PARD3: variants seen among roughly 807,000 people sequenced by gnomAD.
PARD3 encodes the protein par-3 family cell polarity regulator, also known as partitioning defective 3 homolog.
In PARD3, 75 loss-of-function variants were observed where a neutral mutation model predicts 155.4. That is an observed-to-expected ratio of 0.48 (90% confidence interval 0.40 to 0.58). PARD3 has a LOEUF of 0.58. Among genes scored for constraint, PARD3 ranks in the 20% least tolerant of loss-of-function variants. The pLI is 0.00. For synonymous variants in PARD3, 576 were observed against 610.5 expected (o/e 0.94, Z 0.83); for missense variants, 1,642 against 1,721.7 (o/e 0.95, Z 0.82).
chr10:34,166,720 T>A (rs747265212), intron 22 of PARD3, among the ~76,000 whole-genome samples: 4 of 151,856 alleles, frequency 2.6e-5, no homozygotes, highest in African/African-American at 4.8e-5. Flanking sequence ...GAGTGTCCAC[T>A]CACAAAACAC....
chr10:34,512,777 T>C (rs1310158133), intron 3 of PARD3, among the ~76,000 whole-genome samples: 2 of 152,202 alleles, frequency 1.3e-5, no homozygotes, highest in South Asian at 2.1e-4. Context: ...CTTTAACTTA[T>C]ATCTGTACAC....
chr10:34,331,003 G>C (rs1564593725), intron 19 of PARD3, 114 bp downstream of exon 19: 1 of 708,088 alleles, frequency 1.4e-6, no homozygotes, highest in African/African-American at 1.8e-5. Context: ...TTAGACCTCA[G>C]AGATCTCAGA....
chr10:34,265,624 A>C (rs2133833243), intron 22 of PARD3, among the ~76,000 whole-genome samples: 1 of 152,372 alleles, frequency 6.6e-6, no homozygotes, highest in African/African-American at 2.4e-5. Flanking sequence ...TTCTTCATAC[A>C]GGAAATAATC....
Position 34,116,238 on chromosome 10 carries a change from T to C in PARD3, c.3668+3375A>G, listed in dbSNP as rs546875657. 1.4e-4 allele frequency among the ~76,000 whole-genome samples: 21 copies of C among 152,334 alleles called. No individual in the cohort carries two copies. The East Asian group carries it at 1.7e-3, about 13-fold the overall frequency. ...TACAAACCACTCTTTCTCATATACA[T>C]GCCTCTAATTCAAACCACCTTATCT... On this transcript the variant is annotated intron_variant, in intron 24 of 24. Coordinates refer to ENST00000374788, the MANE Select transcript of PARD3 (RefSeq NM_001184785.2).
At chr10:34,724,348 T>C (rs752099119) in intron 1 of PARD3, among the ~76,000 whole-genome samples, 2 of 152,198 alleles carry the variant, frequency 1.3e-5, no homozygotes, top group African/African-American at 2.4e-5. Context: ...ACCTACCCTC[T>C]TGCAGTGGTG....
chr10:34,121,956 AT>A (rs1205254971), intron 23 of PARD3, among the ~76,000 whole-genome samples: 1 of 152,256 alleles, frequency 6.6e-6, no homozygotes, highest in East Asian at 1.9e-4. Context: ...CATCAACTGC[AT>A]TAAAAGAGAC....
chr10:34,166,060 T>G (rs1431633284), intron 22 of PARD3, among the ~76,000 whole-genome samples: 1 of 152,236 alleles, frequency 6.6e-6, no homozygotes, highest in Non-Finnish European at 1.5e-5. Flanking sequence ...TCCCTAAACC[T>G]TCCCTCAGAT....
chr10:34,669,540 A>T (rs558821398), intron 2 of PARD3, among the ~76,000 whole-genome samples: 8 of 152,312 alleles, frequency 5.3e-5, no homozygotes, highest in African/African-American at 1.9e-4. Flanking sequence ...TCACCACCAC[A>T]CAATATATCC....
chr10:34,779,406 C>T (rs965401854), intron 1 of PARD3, among the ~76,000 whole-genome samples: 7 of 151,984 alleles, frequency 4.6e-5, no homozygotes, highest in African/African-American at 9.7e-5. Flanking sequence ...ATCAGGCGAT[C>T]GAGACCATCC....
chr10:34,200,978 T>G (rs1382063810), intron 22 of PARD3, among the ~76,000 whole-genome samples: 1 of 152,144 alleles, frequency 6.6e-6, no homozygotes, highest in Non-Finnish European at 1.5e-5. Context: ...CTTTCCTCTC[T>G]CCAATGTATG....
At chr10:34,768,192 T>G (rs1263115905) in intron 1 of PARD3, among the ~76,000 whole-genome samples, 2 of 152,130 alleles carry the variant, frequency 1.3e-5, no homozygotes, top group African/African-American at 2.4e-5. Context: ...AAGTTTATTT[T>G]GTCAAAGTTA....
At chr10:34,667,576 T>C (rs943378423) in intron 2 of PARD3, among the ~76,000 whole-genome samples, 6 of 152,208 alleles carry the variant, frequency 3.9e-5, no homozygotes, top group African/African-American at 1.4e-4. Flanking sequence ...CACTGAAAAA[T>C]GCCTAATGAT....
intron 1 of PARD3, among the ~76,000 whole-genome samples, chr10:34,789,340 G>A (rs867803922): frequency 5.9e-5 from 9 of 152,270 alleles, no homozygotes; most frequent in South Asian, 2.1e-4. Flanking sequence ...GGAAGACACC[G>A]ATAAATTAAG....
At chr10:34,761,138 C>A (rs1328320031) in intron 1 of PARD3, among the ~76,000 whole-genome samples, 1 of 152,148 alleles carries the variant, frequency 6.6e-6, no homozygotes, top group Non-Finnish European at 1.5e-5. Context: ...GGGTCAGGCA[C>A]AGTGGCTCAT....
intron 2 of PARD3, among the ~76,000 whole-genome samples, chr10:34,671,401 C>T (rs1017872593): frequency 6.6e-6 from 1 of 152,058 alleles, no homozygotes; most frequent in Non-Finnish European, 1.5e-5. Context: ...CATTTAAAAC[C>T]TCCTTCCTCA....
chr10:34,424,161 TG>T (rs1407428152), intron 5 of PARD3, among the ~76,000 whole-genome samples: 2 of 152,206 alleles, frequency 1.3e-5, no homozygotes, highest in African/African-American at 4.8e-5. Context: ...TAAAAATTGA[TG>T]AACACTTCCA....
chr10:34,323,281 A>G (rs188462006), intron 19 of PARD3, among the ~76,000 whole-genome samples: 2 of 152,234 alleles, frequency 1.3e-5, no homozygotes, highest in Admixed American at 6.5e-5. Context: ...GACTTTTAAC[A>G]TTAGAATGAT....
chr10:34,766,416 C>T (rs1234192938), intron 1 of PARD3, among the ~76,000 whole-genome samples: 2 of 152,072 alleles, frequency 1.3e-5, no homozygotes, highest in African/African-American at 4.8e-5. Flanking sequence ...TCCCAGACAG[C>T]AAAACATTTC....
intron 20 of PARD3, among the ~76,000 whole-genome samples, chr10:34,289,210 G>T (rs1411157595): frequency 6.6e-6 from 1 of 151,998 alleles, no homozygotes; most frequent in African/African-American, 2.4e-5. Flanking sequence ...GGTGTTGGGG[G>T]ACATAGGCTT....
Sources: allele counts gnomAD v4.1 joint callset (sites outside exome capture counted in the v4.1 genomes callset), GRCh38; gene constraint gnomAD v4.1.1; transcripts MANE v1.5; gene names NCBI Gene and HGNC (gene_info 2026-07-23, HGNC 2026-07-21).